Variants in RASAL2 observed in about 807,000 individuals in gnomAD.
The protein encoded by RASAL2 is ras GTPase-activating protein nGAP.
Under a neutral mutation model 128.9 loss-of-function variants are expected in RASAL2, and 58 were observed. That is an observed-to-expected ratio of 0.45 (90% confidence interval 0.36 to 0.56). The LOEUF is 0.56. Ranked by LOEUF, RASAL2 falls within the 20% of genes least tolerant of loss-of-function variation. The pLI, the probability that RASAL2 is intolerant of heterozygous loss-of-function variation, is 0.00. For missense variants in RASAL2, 1,360 were observed against 1,601.6 expected (o/e 0.85, Z 2.57); for synonymous variants, 561 against 580.8 (o/e 0.97, Z 0.49).
At chr1:178,390,503 G>A (rs371644756) in intron 4 of RASAL2, among the ~76,000 whole-genome samples, 3 of 151,882 alleles carry the variant, frequency 2.0e-5, no homozygotes, top group Middle Eastern at 3.4e-3. Context: ...CTCAGCCTCC[G>A]GAGTAGCTGG....
chr1:178,430,278 A>G (rs1050991734), intron 5 of RASAL2, among the ~76,000 whole-genome samples: 7 of 152,256 alleles, frequency 4.6e-5, no homozygotes, highest in Non-Finnish European at 7.4e-5. Context: ...CAGTCTAGCT[A>G]TCGATTAGAG....
At chr1:178,409,146 A>C (rs1051014179) in intron 4 of RASAL2, among the ~76,000 whole-genome samples, 1 of 152,178 alleles carries the variant, frequency 6.6e-6, no homozygotes, top group Admixed American at 6.5e-5. Flanking sequence ...AGAAGATTGC[A>C]TCATGGGAGA....
intron 17 of RASAL2, among the ~76,000 whole-genome samples, chr1:178,468,000 AAAAG>A (rs1200696268): frequency 6.6e-6 from 1 of 152,224 alleles, no homozygotes; most frequent in Non-Finnish European, 1.5e-5. Context: ...AAACTTTAAA[AAAAG>A]AAAAGGTTGT....
intron 3 of RASAL2, among the ~76,000 whole-genome samples, chr1:178,379,006 C>T (rs946481439): frequency 6.6e-6 from 1 of 151,016 alleles, no homozygotes; most frequent in Non-Finnish European, 1.5e-5. Flanking sequence ...TAGATGAAAC[C>T]GACAAGATTT....
intron 3 of RASAL2, among the ~76,000 whole-genome samples, chr1:178,382,199 G>A (rs1672321880): frequency 1.3e-5 from 2 of 152,134 alleles, no homozygotes; most frequent in South Asian, 4.1e-4. Context: ...CAAGGGATCA[G>A]TATTAGATAT....
intron 4 of RASAL2, among the ~76,000 whole-genome samples, chr1:178,417,030 C>G (rs1274155720): frequency 6.7e-6 from 1 of 150,050 alleles, no homozygotes; most frequent in Non-Finnish European, 1.5e-5. Context: ...ATTCTCTGAG[C>G]TTCCTGGATC....
At chr1:178,234,069 A>G (rs931267965) in intron 1 of RASAL2, among the ~76,000 whole-genome samples, 7 of 152,222 alleles carry the variant, frequency 4.6e-5, no homozygotes, top group Non-Finnish European at 7.3e-5. Context: ...TTATAGTAAT[A>G]GCAAGAAGTG....
intron 3 of RASAL2, among the ~76,000 whole-genome samples, chr1:178,328,318 G>C (rs532888332): frequency 7.9e-5 from 12 of 152,168 alleles, no homozygotes; most frequent in Non-Finnish European, 4.4e-5. Context: ...GGGTACATGA[G>C]ATATTTTGAT....
chr1:178,307,187 T>C (rs1291800019), intron 3 of RASAL2, among the ~76,000 whole-genome samples: 4 of 152,070 alleles, frequency 2.6e-5, no homozygotes, highest in African/African-American at 9.7e-5. Flanking sequence ...GCATTATCTT[T>C]ATTTTGCTTG....
chr1:178,467,539 G>C, intron 17 of RASAL2, 118 bp downstream of exon 17: 1 of 768,870 alleles, frequency 1.3e-6, no homozygotes, highest in Admixed American at 2.2e-5. Flanking sequence ...AAAAGTTCTA[G>C]ACGCTACATT....
chr1:178,399,476 C>T (rs889307081), intron 4 of RASAL2, among the ~76,000 whole-genome samples: 8 of 152,116 alleles, frequency 5.3e-5, no homozygotes, highest in Admixed American at 5.2e-4. Context: ...GAAGCATCAG[C>T]CTCCCAGCAT....
chr1:178,326,898 T>G (rs73035243), intron 3 of RASAL2, among the ~76,000 whole-genome samples: 2,903 of 152,334 alleles, frequency 0.019, 81 homozygotes, highest in African/African-American at 0.063. Context: ...CTATGTTATC[T>G]TCTCTTACCG....
chr1:178,135,107 T>C (rs1308088515), intron 1 of RASAL2, among the ~76,000 whole-genome samples: 3 of 152,206 alleles, frequency 2.0e-5, no homozygotes, highest in African/African-American at 7.2e-5. Context: ...TGCACATTTA[T>C]TAGGCATCCA....
At chr1:178,441,500 C>T (rs746470237) in intron 6 of RASAL2, 49 bp from the exon 7 acceptor site, 60 of 1,362,950 alleles carry the variant, frequency 4.4e-5, no homozygotes, top group Non-Finnish European at 6.2e-5. Context: ...ATGACAGAGC[C>T]CTGAAATCCA....
At chr1:178,126,077 A>T (rs185973916) in intron 1 of RASAL2, among the ~76,000 whole-genome samples, 4 of 152,318 alleles carry the variant, frequency 2.6e-5, no homozygotes, top group Admixed American at 2.6e-4. Context: ...TACAGCAGTC[A>T]TATGCTCTTA....
At chr1:178,149,387 A>G (rs897937206) in intron 1 of RASAL2, among the ~76,000 whole-genome samples, 17 of 152,094 alleles carry the variant, frequency 1.1e-4, no homozygotes, top group African/African-American at 4.1e-4. Context: ...TGTTGTACAA[A>G]TTGTCAGTAT....
chr1:178,298,609 A>G (rs954530063), intron 2 of RASAL2, among the ~76,000 whole-genome samples: 1 of 152,220 alleles, frequency 6.6e-6, no homozygotes, highest in African/African-American at 2.4e-5. Flanking sequence ...TGCTGGATCA[A>G]TTGATGCAAT....
chr1:178,293,083 T>C (rs1017300744), intron 2 of RASAL2, among the ~76,000 whole-genome samples: 1 of 152,216 alleles, frequency 6.6e-6, no homozygotes, highest in African/African-American at 2.4e-5. Flanking sequence ...AGAACCACTT[T>C]TAAATTATTC....
chr1:178,209,970 C>T lies in RASAL2; in HGVS notation c.203-73594C>T, dbSNP rs907186896. Among the ~76,000 whole-genome samples the T allele has an allele frequency of 1.3e-4, 20 of 151,914 alleles. 1 individual carries two copies. The highest frequency in any genetic ancestry group is 7.7e-4 in the East Asian group (4 of 5,194). On this transcript the variant is annotated intron_variant, in intron 1 of 17. Coordinates refer to ENST00000367649, the MANE Select transcript of RASAL2 (RefSeq NM_170692.4). Reference sequence around the variant, plus strand: ...TTATCAAATGTGGAAAAATATTAGTCATTATCTTTTTAAATAACACCGCTT... The same window carrying T: ...TTATCAAATGTGGAAAAATATTAGTTATTATCTTTTTAAATAACACCGCTT...
Sources: allele counts gnomAD v4.1 joint callset (sites outside exome capture counted in the v4.1 genomes callset), GRCh38; gene constraint gnomAD v4.1.1; transcripts MANE v1.5; gene names NCBI Gene and HGNC (gene_info 2026-07-23, HGNC 2026-07-21).